The following HMCES variants were observed in gnomAD, a reference collection of about 807,000 sequenced individuals.
HMCES encodes 5-hydroxymethylcytosine binding, ES cell specific.
Under a neutral mutation model 35.1 loss-of-function variants are expected in HMCES, and 27 were observed. The ratio of observed to expected loss-of-function variants is 0.77; its 90% CI spans 0.57 to 1.06. The LOEUF is 1.06. Ranked by LOEUF, HMCES falls within the 50% of genes least tolerant of loss-of-function variation. The pLI is 0.00. For missense variants in HMCES, 391 were observed against 430.4 expected (o/e 0.91, Z 0.81); for synonymous variants, 130 against 154.7 (o/e 0.84, Z 1.18).
intron 2 of HMCES, among the ~76,000 whole-genome samples, chr3:129,280,780 A>C (rs1366645891): frequency 6.6e-6 from 1 of 152,216 alleles, no homozygotes; most frequent in African/African-American, 2.4e-5. Flanking sequence ...TGGAATTACC[A>C]GTCACTTACA....
At chr3:129,289,121 G>T in intron 3 of HMCES, 124 bp downstream of exon 3, 1 of 774,952 alleles carries the variant, frequency 1.3e-6, no homozygotes. Context: ...AATGTTCCCA[G>T]TTGTTAATGT....
Position 129,301,955 on chromosome 3 carries a change from C to A in HMCES, c.641C>A (p.Pro214His), listed in dbSNP as rs753658471. The change falls in exon 6 of 7, where the codon CCT becomes CAT. Residue 214 changes from proline to histidine, a missense_variant. Coordinates refer to ENST00000383463, the MANE Select transcript of HMCES (RefSeq NM_020187.3). ...KGLSDIHHRM[P>H]AILDGEEAVS... ...GTCTTAACTTCCCTGGCCAGGATGC[C>A]TGCCATATTAGATGGAGAGGAGGCA... is the stretch of plus-strand genomic sequence containing the variant. 8 of 1,612,284 alleles carry A rather than the reference C, an allele frequency of 5.0e-6. No individual in the cohort carries two copies. The highest frequency in any genetic ancestry group is 6.8e-6 in the Non-Finnish European group (8 of 1,178,964).
chr3:129,304,490 G>A (rs1341815016), intron 6 of HMCES, 99 bp from the exon 7 acceptor site: 2 of 991,204 alleles, frequency 2.0e-6, no homozygotes, highest in South Asian at 1.5e-5. Context: ...CCAAGCCTGG[G>A]TAAGTACCTA....
At chr3:129,295,292 C>G (rs1479826273) in intron 4 of HMCES, among the ~76,000 whole-genome samples, 1 of 151,790 alleles carries the variant, frequency 6.6e-6, no homozygotes, top group Non-Finnish European at 1.5e-5. Flanking sequence ...CTAAAATTAA[C>G]CATGCATGGT....
In HMCES at chr3:129,305,195, A is replaced by C. The variant is rs1267105787; in HGVS notation, c.*370A>C. ...TTCTGCTCAGCCACTGGGCTCTTTC[A>C]CTTTTTTAGTTCTTAAAAATTTATT... is the stretch of plus-strand genomic sequence containing the variant. On this transcript the variant is annotated 3_prime_UTR_variant, in exon 7 of 7. Transcript: ENST00000383463. 1 of 205,546 alleles carries C rather than the reference A, an allele frequency of 4.9e-6. No individual in the cohort carries two copies. The highest frequency in any genetic ancestry group is 5.8e-5 in the Admixed American group (1 of 17,384). The allele number at this position is 205,546 out of a possible 1,614,324, so 12.7% of individuals were successfully genotyped here. A position where few individuals can be genotyped will look rare whatever the true frequency, so the allele number is the denominator to read the frequency against.
intron 6 of HMCES, 146 bp downstream of exon 6, chr3:129,302,288 G>A: frequency 1.6e-6 from 1 of 624,950 alleles, no homozygotes; most frequent in Non-Finnish European, 2.6e-6. Flanking sequence ...GCAAGGTAGT[G>A]TAGAGCAGCA....
intron 2 of HMCES, among the ~76,000 whole-genome samples, chr3:129,287,939 C>G (rs1940682580): frequency 6.6e-6 from 1 of 152,168 alleles, no homozygotes; most frequent in South Asian, 2.1e-4. Context: ...AGCCTGTAGT[C>G]CCGGCTACTC....
At chr3:129,299,881 G>A (rs1233336865) in intron 5 of HMCES, among the ~76,000 whole-genome samples, 3 of 151,276 alleles carry the variant, frequency 2.0e-5, no homozygotes, top group South Asian at 2.1e-4. Context: ...CACCTGCCTC[G>A]GCCTCCCAAA....
At chr3:129,296,939 C>T (rs893565538) in intron 4 of HMCES, among the ~76,000 whole-genome samples, 1 of 152,014 alleles carries the variant, frequency 6.6e-6, no homozygotes, top group African/African-American at 2.4e-5. Flanking sequence ...GGGGTTTCAC[C>T]GTGTTAGCCA....
At position 129,304,682 on chromosome 3, in the gene HMCES, G is replaced by C. The variant is rs757343424; in HGVS notation, c.922G>C (p.Glu308Gln). 3 of 1,614,244 alleles carry C rather than the reference G, an allele frequency of 1.9e-6. No homozygotes were observed. The South Asian group carries it at 3.3e-5, about 18-fold the overall frequency. Residue 308 changes from glutamate to glutamine, a missense_variant, in exon 7 of 7, where the codon GAG (glutamate) becomes CAG (glutamine). Glu to Gln is a conservative substitution (Grantham distance 29). Transcript: ENST00000383463. Reference protein sequence around the residue: ...KEDSKTPQKEESDVPQWSSQF... With the variant: ...KEDSKTPQKEQSDVPQWSSQF... ...AGACTCAAAAACACCTCAAAAGGAA[G>C]AGTCAGATGTTCCCCAGTGGTCCAG...
In HMCES at chr3:129,299,648, C is replaced by CTTT. The variant is rs34382705; in HGVS notation, c.635+1132_635+1134dup. On this transcript the variant is annotated intron_variant, in intron 5 of 6. Transcript: ENST00000383463. The stretch of plus-strand genomic sequence containing the variant: ...TTTTGTATGAACCTTATAGGTGCTT[C>CTTT]TTTTTTTTTTTTTTTTTTTTTGAGA... Among the ~76,000 whole-genome samples the CTTT allele has an allele frequency of 5.9e-3, 649 of 110,042 alleles. 7 individuals are homozygous for CTTT. Among genetic ancestry groups the CTTT allele is most frequent in the Middle Eastern group, 9.3e-3 (2 of 214 alleles). 72.2% of individuals were successfully genotyped at this position (110,042 alleles called of 152,430 possible).
At chr3:129,304,514 T>C (rs546054155) in intron 6 of HMCES, 75 bp from the exon 7 acceptor site, 97 of 1,240,654 alleles carry the variant, frequency 7.8e-5, no homozygotes, top group Non-Finnish European at 1.1e-4. Flanking sequence ...CCTCTTCCCC[T>C]GTTTCTTCCC....
chr3:129,304,646 C>T lies in HMCES; in HGVS notation c.886C>T (p.Pro296Ser), dbSNP rs1443381592. ...RMLQWLATKS[P>S]KKEDSKTPQK... ...GTTGCAGTGGTTGGCCACAAAGTCACCCAAAAAGGAAGACTCAAAAACACC... is the reference window on the plus strand; with the variant it reads ...GTTGCAGTGGTTGGCCACAAAGTCATCCAAAAAGGAAGACTCAAAAACACC... Residue 296 changes from proline to serine, a missense_variant, in exon 7 of 7, where the codon CCC becomes TCC. Physicochemically the swap from Pro to Ser is moderately conservative, Grantham distance 74. Coordinates refer to ENST00000383463, the MANE Select transcript of HMCES (RefSeq NM_020187.3). 2 of 1,614,130 alleles carry T rather than the reference C, an allele frequency of 1.2e-6. No individual in the cohort carries two copies. Among genetic ancestry groups the T allele is most frequent in the South Asian group, 2.2e-5 (2 of 91,060 alleles).
rs138716102 is a variant in HMCES, at chr3:129,298,290, C to G, written c.454-64C>G. On this transcript the variant is annotated intron_variant, in intron 4 of 6. Transcript: ENST00000383463. ...CCGTGCTCTCGAGTCTGAAGTAGTA[C>G]CTAACCTGCATGTAGAAGAAGTCTG... is the stretch of plus-strand genomic sequence containing the variant. 1,644 of 1,449,682 alleles carry G rather than the reference C, an allele frequency of 1.1e-3. 14 individuals carry two copies. In the African/African-American group the frequency reaches 0.02, roughly 18 times the overall value. The allele number at this position is 1,449,682 out of a possible 1,614,324, so 89.8% of individuals were successfully genotyped here.
At chr3:129,289,366 A>G (rs1307560492) in intron 3 of HMCES, among the ~76,000 whole-genome samples, 1 of 152,142 alleles carries the variant, frequency 6.6e-6, no homozygotes, top group African/African-American at 2.4e-5. Context: ...GGCTTTCCAT[A>G]TGCCTAGCTC....
intron 2 of HMCES, among the ~76,000 whole-genome samples, chr3:129,288,174 C>T (rs926053552): frequency 6.6e-6 from 1 of 152,180 alleles, no homozygotes; most frequent in Admixed American, 6.5e-5. Flanking sequence ...ACTTGGGAGG[C>T]TGAAGCAGGA....
rs1576991721 is a variant in HMCES at position 129,298,421 on chromosome 3, T to C, written c.521T>C (p.Leu174Pro). Reference protein sequence around the residue: ...WEKVWDNWRLLTMAGIFDCWE... With the variant: ...WEKVWDNWRLPTMAGIFDCWE... ...AAAGTCTGGGACAACTGGAGGCTGC[T>C]GACAATGGCCGGGATCTTTGACTGC... Residue 174 changes from leucine to proline, a missense_variant, in exon 5 of 7, where the codon CTG (leucine) becomes CCG (proline). Coordinates refer to ENST00000383463, the MANE Select transcript of HMCES (RefSeq NM_020187.3). 21 of 1,614,188 alleles carry C rather than the reference T, an allele frequency of 1.3e-5. No individual in the cohort carries two copies. Among genetic ancestry groups the C allele is most frequent in the Non-Finnish European group, 1.8e-5 (21 of 1,180,024 alleles).
rs894727818 is a variant in HMCES at position 129,279,549 on chromosome 3, G to A, written c.-23-161G>A. Among the ~76,000 whole-genome samples the A allele has an allele frequency of 6.6e-6, 1 of 152,202 alleles. No homozygotes were observed. The highest frequency in any genetic ancestry group is 1.5e-5 in the Non-Finnish European group (1 of 68,024). ...AGTGGGCTCAGGGAGCGAAGCAAAC[G>A]GGCACATCCTTGTCTTTGTGGGACT... is the stretch of plus-strand genomic sequence containing the variant. On this transcript the variant is annotated intron_variant, in intron 1 of 6. Coordinates refer to ENST00000383463, the MANE Select transcript of HMCES (RefSeq NM_020187.3). The surrounding 1 kb of genome is among the most constrained non-coding windows in gnomAD (Gnocchi z 4.2).
At chr3:129,304,458 A>G in intron 6 of HMCES, 131 bp from the exon 7 acceptor site, 3 of 743,846 alleles carry the variant, frequency 4.0e-6, no homozygotes, top group Non-Finnish European at 7.0e-6. Flanking sequence ...GGTGGGCCCC[A>G]GCTGGCCCTT....
Sources: gnomAD v4.1 joint callset for allele counts (sites outside exome capture counted in the v4.1 genomes callset) on GRCh38, gnomAD v4.1.1 for gene constraint, Gnocchi (gnomAD v3.1) non-coding constraint, MANE v1.5 for transcripts, NCBI Gene and HGNC (gene_info 2026-07-23, HGNC 2026-07-21) for gene names.